LDLRAD4: variants seen among roughly 807,000 people sequenced by gnomAD.
LDLRAD4 encodes the protein low density lipoprotein receptor class A domain containing 4, also known as low-density lipoprotein receptor class A domain-containing protein 4.
A neutral mutation model predicts 17.0 loss-of-function variants in LDLRAD4; 5 were observed. The observed-to-expected ratio is 0.29, with a 90% CI of 0.15 to 0.62. The LOEUF is 0.62. LDLRAD4 is among the 20% of genes least tolerant of loss of function. LDLRAD4 has a pLI of 0.84. For synonymous variants in LDLRAD4, 168 were observed against 171.8 expected, an observed-to-expected ratio of 0.98 and a Z score of 0.17; for missense variants, 340 against 424.7, an observed-to-expected ratio of 0.80 and a Z score of 1.75.
chr18:13,231,099 G>A (rs1483372841), intron 1 of LDLRAD4, among the ~76,000 whole-genome samples: 1 of 152,212 alleles, frequency 6.6e-6, no homozygotes, highest in African/African-American at 2.4e-5. Flanking sequence ...CTGCAGGGAT[G>A]AGTGAAGGTT....
chr18:13,365,690 G>A lies in LDLRAD4; in HGVS notation c.-382-21651G>A, dbSNP rs528730106. ...TTCGAAGGATGTGATTTCACTCAAG[G>A]CACTGCCTGTCTCAAAGTCACCAGG... On this transcript the variant is annotated intron_variant, in intron 1 of 5. Coordinates refer to ENST00000359446, the Ensembl canonical transcript of LDLRAD4. Among the ~76,000 whole-genome samples the A allele has an allele frequency of 8.5e-5, 13 of 152,334 alleles. No homozygotes were observed. The East Asian group carries it at 2.5e-3, about 29-fold the overall frequency.
chr18:13,597,300 G>T (rs2095107188), intron 3 of LDLRAD4, among the ~76,000 whole-genome samples: 1 of 152,006 alleles, frequency 6.6e-6, no homozygotes, highest in Admixed American at 6.6e-5. Flanking sequence ...TCTTAATAGG[G>T]TTATCTTATA....
At chr18:13,361,292 T>G (rs1272537909) in intron 1 of LDLRAD4, among the ~76,000 whole-genome samples, 1 of 152,188 alleles carries the variant, frequency 6.6e-6, no homozygotes, top group Non-Finnish European at 1.5e-5. Flanking sequence ...TTAGCCAGGA[T>G]GGTCTCAATC....
chr18:13,407,335 A>G (rs2087861180), intron 2 of LDLRAD4, among the ~76,000 whole-genome samples: 1 of 152,208 alleles, frequency 6.6e-6, no homozygotes, highest in African/African-American at 2.4e-5. Flanking sequence ...TCATCATAGC[A>G]TTAGATTAAT....
chr18:13,464,475 T>C (rs2092548663), intron 3 of LDLRAD4, among the ~76,000 whole-genome samples: 2 of 152,260 alleles, frequency 1.3e-5, no homozygotes, highest in African/African-American at 4.8e-5. Context: ...TTTAGATACT[T>C]GGGTTTTTCA....
chr18:13,620,344 G>A (rs2040508372), intron 3 of LDLRAD4, among the ~76,000 whole-genome samples: 1 of 152,186 alleles, frequency 6.6e-6, no homozygotes, highest in Admixed American at 6.5e-5. Context: ...CGAGCCCCTT[G>A]CTCTGAATTT....
intron 1 of LDLRAD4, among the ~76,000 whole-genome samples, chr18:13,234,217 T>C (rs1344470651): frequency 6.6e-6 from 1 of 152,184 alleles, no homozygotes; most frequent in African/African-American, 2.4e-5. Flanking sequence ...TGGCATGCCC[T>C]GTGCCCCTCG....
At chr18:13,507,400 T>A (rs779474997) in intron 3 of LDLRAD4, among the ~76,000 whole-genome samples, 1 of 152,208 alleles carries the variant, frequency 6.6e-6, no homozygotes, top group African/African-American at 2.4e-5. Context: ...CTCCCACTTA[T>A]AAGTGAGAAC....
chr18:13,522,484 C>T (rs921490670), intron 3 of LDLRAD4: 4 of 151,982 alleles, frequency 2.6e-5, no homozygotes, highest in African/African-American at 7.3e-5. Flanking sequence ...CGTATCTGCA[C>T]TGAGTGGTCC....
intron 1 of LDLRAD4, among the ~76,000 whole-genome samples, chr18:13,362,734 C>A (rs576798281): frequency 6.6e-6 from 1 of 152,146 alleles, no homozygotes; most frequent in African/African-American, 2.4e-5. Flanking sequence ...AGATGATAAA[C>A]GTTAAGTTAT....
chr18:13,338,200 T>A (rs1033894397), intron 1 of LDLRAD4, among the ~76,000 whole-genome samples: 1 of 152,234 alleles, frequency 6.6e-6, no homozygotes, highest in African/African-American at 2.4e-5. Flanking sequence ...CAACTCGTGC[T>A]TCATATCATC....
chr18:13,337,930 G>GA (rs1489921072), intron 1 of LDLRAD4, among the ~76,000 whole-genome samples: 1 of 152,132 alleles, frequency 6.6e-6, no homozygotes, highest in African/African-American at 2.4e-5. Context: ...AGTCACAGTG[G>GA]AAAGCAGTTA....
chr18:13,443,709 T>TCTC (rs557743448), intron 3 of LDLRAD4, among the ~76,000 whole-genome samples: 26 of 151,410 alleles, frequency 1.7e-4, no homozygotes, highest in East Asian at 5.9e-4. Flanking sequence ...GTCGTCGTCG[T>TCTC]CTCCTCCTCC....
intron 1 of LDLRAD4, among the ~76,000 whole-genome samples, chr18:13,369,195 T>C (rs1367615334): frequency 1.3e-5 from 2 of 152,226 alleles, no homozygotes; most frequent in African/African-American, 4.8e-5. Flanking sequence ...TAGCGACCAC[T>C]TACTCACCTT....
At chr18:13,273,855 G>A (rs907105384), upstream of LDLRAD4, among the ~76,000 whole-genome samples, 1 of 152,158 alleles carries the variant, frequency 6.6e-6, no homozygotes, top group Non-Finnish European at 1.5e-5. Context: ...CCCTTTTCAG[G>A]AGTTCCACCC....
intron 1 of LDLRAD4, among the ~76,000 whole-genome samples, chr18:13,219,888 T>G (rs1305581345): frequency 6.6e-6 from 1 of 152,182 alleles, no homozygotes; most frequent in Admixed American, 6.5e-5. Flanking sequence ...CTGTATATGG[T>G]ATTGTCTTTT....
At chr18:13,292,939 C>T (rs1039441777) in intron 1 of LDLRAD4, among the ~76,000 whole-genome samples, 7 of 152,206 alleles carry the variant, frequency 4.6e-5, no homozygotes, top group African/African-American at 1.2e-4. Flanking sequence ...GGAGGCCATG[C>T]GGATTCCACG....
At chr18:13,556,643 A>C (rs1043537282) in intron 3 of LDLRAD4, among the ~76,000 whole-genome samples, 1 of 152,180 alleles carries the variant, frequency 6.6e-6, no homozygotes, top group Non-Finnish European at 1.5e-5. Context: ...TTTGAGGATG[A>C]TGTATTTGAG....
intron 1 of LDLRAD4, among the ~76,000 whole-genome samples, chr18:13,298,463 T>TGGGCACGGTGATGGAGCTGCTCC (rs1321160414): frequency 7.2e-6 from 1 of 139,684 alleles, no homozygotes; most frequent in Non-Finnish European, 1.5e-5. Flanking sequence ...TTTGCTGCTC[T>TGGGCACGGTGATGGAGCTGCTCC]GGGCACGGTG....
Sources: allele counts gnomAD v4.1 joint callset (sites outside exome capture counted in the v4.1 genomes callset), GRCh38; gene constraint gnomAD v4.1.1; transcripts MANE v1.5; gene names NCBI Gene and HGNC (gene_info 2026-07-23, HGNC 2026-07-21).